Variants in UTRN observed in about 807,000 individuals in gnomAD.
The protein encoded by UTRN is dystrophin-related protein 1.
UTRN carries 283 observed loss-of-function variants against 463.9 expected under a neutral mutation model. The ratio of observed to expected loss-of-function variants is 0.61; its 90% CI spans 0.55 to 0.67. The LOEUF (loss-of-function observed/expected upper bound fraction) is 0.67. UTRN is among the 30% of genes least tolerant of loss of function. The probability of loss-of-function intolerance (pLI) is 0.00; values close to 1 mark genes in which losing one functional copy is unlikely to be tolerated. For synonymous variants in UTRN, 1,442 were observed against 1,431.5 expected, an observed-to-expected ratio of 1.01 and a Z score of -0.17; for missense variants, 3,922 against 4,084.3, an observed-to-expected ratio of 0.96 and a Z score of 1.08.
At chr6:144,517,390 G>A (rs370477288) in intron 39 of UTRN, among the ~76,000 whole-genome samples, 3 of 150,952 alleles carry the variant, frequency 2.0e-5, no homozygotes, top group South Asian at 2.1e-4. Flanking sequence ...TAAAGATGGG[G>A]TATCTCTATG....
At position 144,664,352 on chromosome 6, in the gene UTRN, C is replaced by G. The variant is rs1780174080; in HGVS notation, c.7480-14054C>G. The stretch of plus-strand genomic sequence containing the variant: ...ACATTTGAAATGCGATAATTTTTCT[C>G]TGGGTTTTCTGACCTGTTCAGTTTT... On this transcript the variant is annotated intron_variant, in intron 51 of 74. Transcript: ENST00000367545. 2.0e-5 allele frequency among the ~76,000 whole-genome samples: 3 copies of G among 151,968 alleles called. No individual in the cohort carries two copies. The South Asian group carries it at 6.2e-4, about 31-fold the overall frequency.
At chr6:144,567,077 G>T (rs1489307502) in intron 50 of UTRN, among the ~76,000 whole-genome samples, 1 of 152,148 alleles carries the variant, frequency 6.6e-6, no homozygotes, top group Non-Finnish European at 1.5e-5. Flanking sequence ...AGCCTAGGAG[G>T]TGGAGATTGC....
At chr6:144,813,147 T>G (rs531185003) in intron 65 of UTRN, among the ~76,000 whole-genome samples, 2 of 151,836 alleles carry the variant, frequency 1.3e-5, no homozygotes, top group South Asian at 4.1e-4. Context: ...CAGAGTTTTT[T>G]TGTTGTTGTT....
intron 2 of UTRN, among the ~76,000 whole-genome samples, chr6:144,346,008 T>C (rs750691384): frequency 6.6e-6 from 1 of 152,020 alleles, no homozygotes; most frequent in Non-Finnish European, 1.5e-5. Flanking sequence ...TAAAACCTTG[T>C]CTCTACTAAA....
chr6:144,302,081 A>G (rs1352000768), intron 2 of UTRN, among the ~76,000 whole-genome samples: 6 of 152,198 alleles, frequency 3.9e-5, no homozygotes, highest in Admixed American at 1.3e-4. Flanking sequence ...TGCATGCCAG[A>G]ATCAATCTTT....
intron 2 of UTRN, among the ~76,000 whole-genome samples, chr6:144,301,195 A>G (rs116638552): frequency 0.012 from 1,887 of 152,336 alleles, 33 homozygotes; most frequent in African/African-American, 0.042. Context: ...TGTGAAATCA[A>G]TGGCCAGTTC....
intron 3 of UTRN, among the ~76,000 whole-genome samples, chr6:144,421,335 A>AAATATTTTAT: frequency 6.6e-6 from 1 of 152,244 alleles, no homozygotes; most frequent in East Asian, 1.9e-4. Context: ...AATTTATTTC[A>AAATATTTTAT]GCTTAAAATA....
chr6:144,545,285 C>G (rs1455857831), intron 46 of UTRN, among the ~76,000 whole-genome samples: 2 of 152,208 alleles, frequency 1.3e-5, no homozygotes, highest in African/African-American at 4.8e-5. Context: ...CCTCTGATAG[C>G]AGATAGAGTG....
At chr6:144,824,111 G>A (rs1433604083) in intron 66 of UTRN, among the ~76,000 whole-genome samples, 1 of 152,102 alleles carries the variant, frequency 6.6e-6, no homozygotes, top group African/African-American at 2.4e-5. Context: ...GATAGTTTCA[G>A]AAACTGGGGT....
At chr6:144,744,314 A>G (rs1281572355) in intron 54 of UTRN, among the ~76,000 whole-genome samples, 1 of 121,400 alleles carries the variant, frequency 8.2e-6, no homozygotes, top group East Asian at 2.7e-4. Flanking sequence ...ACATATATAT[A>G]TATATATGTG....
intron 42 of UTRN, among the ~76,000 whole-genome samples, chr6:144,532,642 G>T (rs190280375): frequency 9.8e-5 from 15 of 152,312 alleles, no homozygotes; most frequent in Non-Finnish European, 1.8e-4. Context: ...CAATATCTTA[G>T]TAAAATGTGC....
intron 48 of UTRN, among the ~76,000 whole-genome samples, chr6:144,553,268 C>T (rs539325499): frequency 1.3e-5 from 2 of 152,244 alleles, no homozygotes; most frequent in South Asian, 2.1e-4. Flanking sequence ...GAACTTCTGG[C>T]TTCAGGTGAT....
intron 35 of UTRN, 66 bp downstream of exon 35, chr6:144,511,189 A>G (rs1795135177): frequency 1.5e-6 from 2 of 1,358,812 alleles, no homozygotes; most frequent in East Asian, 5.3e-5. Flanking sequence ...TTAAATGAAT[A>G]CAACTTTGAT....
At chr6:144,773,623 T>C (rs960100461) in intron 59 of UTRN, among the ~76,000 whole-genome samples, 6 of 152,248 alleles carry the variant, frequency 3.9e-5, no homozygotes, top group Admixed American at 2.6e-4. Context: ...TGTCTGTTTT[T>C]ACACTTAGAT....
At chr6:144,571,134 G>A (rs544345845) in intron 50 of UTRN, among the ~76,000 whole-genome samples, 1 of 152,292 alleles carries the variant, frequency 6.6e-6, no homozygotes, top group African/African-American at 2.4e-5. Context: ...TCACCTGTGT[G>A]TAGTGGATTG....
chr6:144,662,390 C>T (rs1188629550), intron 51 of UTRN, among the ~76,000 whole-genome samples: 1 of 152,176 alleles, frequency 6.6e-6, no homozygotes, highest in African/African-American at 2.4e-5. Context: ...CCAAGGCCTA[C>T]TGCTATAATG....
Position 144,790,784 on chromosome 6 carries a change from T to C in UTRN, c.8920+1505T>C, listed in dbSNP as rs534578512. On this transcript the variant is annotated intron_variant, in intron 62 of 74. Transcript: ENST00000367545. ...AATGAAAACACCAATGTTACAAAAT[T>C]AGAAATGGATTTTTTATCATCTCTG... 5.9e-5 allele frequency among the ~76,000 whole-genome samples: 9 copies of C among 152,332 alleles called. No homozygotes were observed. The South Asian group carries it at 1.9e-3, about 32-fold the overall frequency.
chr6:144,471,053 G>GGGA (rs1475229406), intron 23 of UTRN, among the ~76,000 whole-genome samples: 1 of 109,834 alleles, frequency 9.1e-6, no homozygotes, highest in African/African-American at 3.6e-5. Context: ...GGAGAGGGAG[G>GGGA]GGGAGAGGGA....
rs1419179098 is a variant in UTRN at position 144,465,063 on chromosome 6, G to GTACA, written c.3066+2198_3066+2201dup. Among the ~76,000 whole-genome samples the GTACA allele has an allele frequency of 3.9e-5, 6 of 152,180 alleles. 1 individual carries two copies. In the East Asian group the frequency reaches 1.2e-3, roughly 29 times the overall value. On this transcript the variant is annotated intron_variant, in intron 23 of 74. Transcript: ENST00000367545. Reference sequence around the variant, plus strand: ...GGGATGCAGCTAAACATCCCACCATGTACAGGACAGCCTCACAACAAAATA... The same window carrying GTACA: ...GGGATGCAGCTAAACATCCCACCATGTACATACAGGACAGCCTCACAACAAAATA...
Sources: gnomAD v4.1 joint callset for allele counts (sites outside exome capture counted in the v4.1 genomes callset) on GRCh38, gnomAD v4.1.1 for gene constraint, MANE v1.5 for transcripts, NCBI Gene and HGNC (gene_info 2026-07-23, HGNC 2026-07-21) for gene names.